Variants in TPRG1 observed in about 807,000 individuals in gnomAD.
The protein encoded by TPRG1 is tumor protein p63 regulated 1, also known as tumor protein p63-regulated gene 1 protein.
In TPRG1, 29 loss-of-function variants were observed where a neutral mutation model predicts 29.3. That is an observed-to-expected ratio of 0.99 (90% confidence interval 0.74 to 1.35). The LOEUF (loss-of-function observed/expected upper bound fraction) is 1.35, where lower values mean the gene tolerates loss of function less well. TPRG1 is among the 40% of genes most tolerant of loss of function. The probability of loss-of-function intolerance (pLI) is 0.00; values close to 1 mark genes in which losing one functional copy is unlikely to be tolerated. For missense variants in TPRG1, 327 were observed against 335.0 expected, an observed-to-expected ratio of 0.98 and a Z score of 0.19; for synonymous variants, 130 against 116.8, an observed-to-expected ratio of 1.11 and a Z score of -0.73.
chr3:189,219,151 C>T (rs887296769), intron 3 of TPRG1, among the ~76,000 whole-genome samples: 19 of 152,092 alleles, frequency 1.2e-4, no homozygotes, highest in African/African-American at 2.7e-4. Context: ...ATTTTACTAA[C>T]GTTAAGTTGG....
chr3:189,169,252 C>T (rs1409306905), upstream of TPRG1, among the ~76,000 whole-genome samples: 3 of 152,316 alleles, frequency 2.0e-5, no homozygotes, highest in South Asian at 2.1e-4. Flanking sequence ...GCAACCTCCG[C>T]CTCCTGGGCT....
intron 3 of TPRG1, among the ~76,000 whole-genome samples, chr3:189,143,206 A>G (rs1263825185): frequency 6.6e-6 from 1 of 152,180 alleles, no homozygotes; most frequent in Non-Finnish European, 1.5e-5. Flanking sequence ...TTTTACATCC[A>G]TCAGATGATT....
chr3:189,272,744 C>A (rs868781762), intron 4 of TPRG1, among the ~76,000 whole-genome samples: 16 of 115,770 alleles, frequency 1.4e-4, no homozygotes, highest in African/African-American at 6.4e-4. Context: ...TCCTTCCTTC[C>A]TTCCTTCGTT....
intron 5 of TPRG1, among the ~76,000 whole-genome samples, chr3:189,154,921 A>C (rs537404153): frequency 6.6e-6 from 1 of 152,252 alleles, no homozygotes; most frequent in Non-Finnish European, 1.5e-5. Flanking sequence ...TCCATTTTAA[A>C]TAGGGCAGTC....
At chr3:189,044,638 A>G (rs778425475) in intron 4 of TPRG1, among the ~76,000 whole-genome samples, 1 of 152,166 alleles carries the variant, frequency 6.6e-6, no homozygotes, top group African/African-American at 2.4e-5. Context: ...GAAAGAGGAT[A>G]CGAAGGTTAA....
intron 2 of TPRG1, among the ~76,000 whole-genome samples, chr3:189,130,864 G>A (rs1366170034): frequency 6.6e-6 from 1 of 152,144 alleles, no homozygotes; most frequent in African/African-American, 2.4e-5. Flanking sequence ...TGAGATGCAG[G>A]GAATGACCTG....
At chr3:189,132,149 C>CTTCTT (rs1380766830) in intron 2 of TPRG1, among the ~76,000 whole-genome samples, 1 of 152,176 alleles carries the variant, frequency 6.6e-6, no homozygotes, top group Non-Finnish European at 1.5e-5. Flanking sequence ...AACTTGGTCT[C>CTTCTT]TTCTTTTCTT....
At chr3:189,050,434 A>C (rs1715242519) in intron 4 of TPRG1, among the ~76,000 whole-genome samples, 1 of 152,218 alleles carries the variant, frequency 6.6e-6, no homozygotes, top group Non-Finnish European at 1.5e-5. Context: ...CAGGTTTGAA[A>C]TGGTAATTTA....
intron 5 of TPRG1, among the ~76,000 whole-genome samples, chr3:189,166,598 C>CT (rs1390583256): frequency 6.6e-6 from 1 of 152,180 alleles, no homozygotes; most frequent in African/African-American, 2.4e-5. Context: ...ACCTTTTATC[C>CT]TAACTAGTAT....
chr3:189,226,946 A>G (rs1006851688), intron 3 of TPRG1, among the ~76,000 whole-genome samples: 4 of 152,048 alleles, frequency 2.6e-5, no homozygotes, highest in South Asian at 2.1e-4. Flanking sequence ...ACACATATCA[A>G]TTTGACAACT....
intron 1 of TPRG1, among the ~76,000 whole-genome samples, chr3:189,177,774 A>G (rs1338541299): frequency 6.6e-6 from 1 of 152,176 alleles, no homozygotes; most frequent in African/African-American, 2.4e-5. Flanking sequence ...TCACATGGTA[A>G]TAATGAGAAT....
chr3:189,191,837 T>A (rs1349364905), intron 1 of TPRG1, among the ~76,000 whole-genome samples: 1 of 152,196 alleles, frequency 6.6e-6, no homozygotes. Flanking sequence ...CTAGTTCCTT[T>A]ATACCTAGAT....
intron 4 of TPRG1, among the ~76,000 whole-genome samples, chr3:189,286,016 C>T (rs776076527): frequency 3.0e-4 from 46 of 152,114 alleles, no homozygotes; most frequent in Non-Finnish European, 6.3e-4. Flanking sequence ...AAGTCTTGTT[C>T]TGACCCTTCT....
At chr3:189,170,388 A>C (rs1414984886), upstream of TPRG1, among the ~76,000 whole-genome samples, 2 of 151,860 alleles carry the variant, frequency 1.3e-5, no homozygotes, top group Admixed American at 1.3e-4. Context: ...TTTATACCCA[A>C]CTCTACCATC....
chr3:189,101,457 C>T (rs1719189772), intron 1 of TPRG1, among the ~76,000 whole-genome samples: 1 of 152,080 alleles, frequency 6.6e-6, no homozygotes, highest in African/African-American at 2.4e-5. Flanking sequence ...CCACATTTCA[C>T]ACTCACCCCC....
At chr3:189,148,463 T>G (rs1230263174) in intron 4 of TPRG1, among the ~76,000 whole-genome samples, 1 of 152,154 alleles carries the variant, frequency 6.6e-6, no homozygotes, top group Non-Finnish European at 1.5e-5. Context: ...AAAGCCACCT[T>G]TGAGCTGAGT....
intron 4 of TPRG1, among the ~76,000 whole-genome samples, chr3:189,024,819 A>G (rs1375956424): frequency 6.6e-6 from 1 of 152,220 alleles, no homozygotes; most frequent in African/African-American, 2.4e-5. Flanking sequence ...ATTTTGATAA[A>G]GCATCTGTGC....
At chr3:189,102,989 G>C (rs1719379763) in intron 1 of TPRG1, among the ~76,000 whole-genome samples, 1 of 152,142 alleles carries the variant, frequency 6.6e-6, no homozygotes, top group African/African-American at 2.4e-5. Context: ...ATCTTTTGCA[G>C]AAATATATTT....
intron 3 of TPRG1, among the ~76,000 whole-genome samples, chr3:189,144,152 A>G (rs1219104739): frequency 6.6e-6 from 1 of 152,136 alleles, no homozygotes; most frequent in Non-Finnish European, 1.5e-5. Context: ...GCTCACTATA[A>G]CAAATACTTC....
Sources: allele counts gnomAD v4.1 joint callset (sites outside exome capture counted in the v4.1 genomes callset), GRCh38; gene constraint gnomAD v4.1.1; transcripts MANE v1.5; gene names NCBI Gene and HGNC (gene_info 2026-07-23, HGNC 2026-07-21).